Variants in PTPRN2 observed in about 807,000 individuals in gnomAD.
PTPRN2 encodes receptor-type tyrosine-protein phosphatase N2.
A neutral mutation model predicts 118.8 loss-of-function variants in PTPRN2; 74 were observed. The ratio of observed to expected loss-of-function variants is 0.62; its 90% CI spans 0.52 to 0.76. The LOEUF (loss-of-function observed/expected upper bound fraction) is 0.76, where lower values mean the gene tolerates loss of function less well. Among genes scored for constraint, PTPRN2 ranks in the 30% least tolerant of loss-of-function variants. The pLI is 0.00. For synonymous variants in PTPRN2, 641 were observed against 608.0 expected (o/e 1.05, Z -0.80); for missense variants, 1,481 against 1,394.4 (o/e 1.06, Z -0.99).
chr7:158,139,026 TA>T (rs35025393), intron 6 of PTPRN2, among the ~76,000 whole-genome samples: 805 of 151,926 alleles, frequency 5.3e-3, no homozygotes, highest in Non-Finnish European at 8.0e-3. Context: ...TAATTACATC[TA>T]AACACAGCCA....
intron 2 of PTPRN2, among the ~76,000 whole-genome samples, chr7:158,380,161 C>T (rs1810858911): frequency 6.6e-6 from 1 of 152,172 alleles, no homozygotes; most frequent in Admixed American, 6.5e-5. Context: ...AATCTCACGT[C>T]CTCACATTTT....
At position 157,938,896 on chromosome 7, in the gene PTPRN2, T is replaced by C. The variant is rs984510578; in HGVS notation, c.1724-40159A>G. Among the ~76,000 whole-genome samples, 5 of 152,326 alleles carry C rather than the reference T, an allele frequency of 3.3e-5. No individual in the cohort carries two copies. In the South Asian group the frequency reaches 8.3e-4, roughly 25 times the overall value. On this transcript the variant is annotated intron_variant, in intron 11 of 22. Coordinates refer to ENST00000389418, the MANE Select transcript of PTPRN2 (RefSeq NM_002847.5). ...CAACCTGCCGGTGTCAAGATGCTCA[T>C]ATCAGTGCTGAAGTAAGGAGTGGGG...
intron 2 of PTPRN2, among the ~76,000 whole-genome samples, chr7:158,389,552 C>T (rs1811760966): frequency 6.6e-6 from 1 of 152,224 alleles, no homozygotes; most frequent in Admixed American, 6.5e-5. Flanking sequence ...GAAACAAACA[C>T]TCCTCCTTAT....
At chr7:157,952,366 G>A (rs2164218) in intron 11 of PTPRN2, among the ~76,000 whole-genome samples, 16,078 of 149,436 alleles carry the variant, frequency 0.11, 882 homozygotes, top group Non-Finnish European at 0.13. Flanking sequence ...GACAGGCGAG[G>A]GTGGGACAGG....
intron 5 of PTPRN2, among the ~76,000 whole-genome samples, chr7:158,171,348 T>TACACAC (rs1252929315): frequency 1.1e-5 from 1 of 90,006 alleles, no homozygotes; most frequent in South Asian, 3.5e-4. Flanking sequence ...TATATATATA[T>TACACAC]ACACACACAC....
At chr7:158,534,668 C>T (rs1486450610) in intron 1 of PTPRN2, among the ~76,000 whole-genome samples, 1 of 152,196 alleles carries the variant, frequency 6.6e-6, no homozygotes, top group Non-Finnish European at 1.5e-5. Flanking sequence ...CTGCGAAGCT[C>T]CCCCCATCAC....
intron 3 of PTPRN2, among the ~76,000 whole-genome samples, chr7:158,280,051 G>A (rs376409646): frequency 3.7e-4 from 49 of 134,020 alleles, no homozygotes; most frequent in African/African-American, 1.2e-3. Context: ...ACGCCCCACC[G>A]CTGCCCCCAA....
In PTPRN2 at chr7:158,197,305, T is replaced by C. The variant is rs74379630; in HGVS notation, c.381-4810A>G. 1.0e-2 allele frequency among the ~76,000 whole-genome samples: 1,521 copies of C among 152,308 alleles called. 85 individuals are homozygous for C. In the East Asian group the frequency reaches 0.17, roughly 17 times the overall value. ...AACATGACCATCTGGTACTTGTATA[T>C]GGGTCTTTAGTGTGATTTAGAAACA... is the stretch of plus-strand genomic sequence containing the variant. On this transcript the variant is annotated intron_variant, in intron 4 of 22. Transcript: ENST00000389418.
At chr7:157,747,832 C>G (rs1382414324) in intron 12 of PTPRN2, among the ~76,000 whole-genome samples, 1 of 129,078 alleles carries the variant, frequency 7.7e-6, no homozygotes. Context: ...CGTCCCTGAG[C>G]TTTGGGCTGT....
At chr7:158,457,835 G>C (rs929625615) in intron 2 of PTPRN2, among the ~76,000 whole-genome samples, 5 of 150,556 alleles carry the variant, frequency 3.3e-5, no homozygotes, top group Admixed American at 3.3e-4. Context: ...TCCAGGGCGA[G>C]CCTGGCCTGG....
rs150772011 is a variant in PTPRN2 at position 158,395,946 on chromosome 7, C to T, written c.164-79014G>A. 4.5e-3 allele frequency among the ~76,000 whole-genome samples: 692 copies of T among 152,154 alleles called. 5 individuals carry two copies. Among genetic ancestry groups the T allele is most frequent in the African/African-American group, 0.016 (666 of 41,472 alleles). ...AGGTCGGGCTACAGACTTCCCTCTG[C>T]CCCCTGGTCACAGAGGTGAGAGTGG... On this transcript the variant is annotated intron_variant, in intron 2 of 22. Transcript: ENST00000389418.
At chr7:157,950,837 G>GGAACCAGGAAA (rs1800766418) in intron 11 of PTPRN2, among the ~76,000 whole-genome samples, 1 of 152,222 alleles carries the variant, frequency 6.6e-6, no homozygotes, top group Non-Finnish European at 1.5e-5. Context: ...AGGAAAGTGA[G>GGAACCAGGAAA]GTGCAGACGC....
At chr7:157,712,823 G>C (rs1237886849) in intron 12 of PTPRN2, among the ~76,000 whole-genome samples, 7 of 151,572 alleles carry the variant, frequency 4.6e-5, no homozygotes, top group Non-Finnish European at 2.9e-5. Flanking sequence ...GTCACACACA[G>C]AGGCAGGGAC....
At chr7:158,035,229 A>G (rs1182987338) in intron 11 of PTPRN2, among the ~76,000 whole-genome samples, 2 of 152,260 alleles carry the variant, frequency 1.3e-5, no homozygotes, top group East Asian at 1.9e-4. Context: ...AAGTGTCTCA[A>G]GTATAAAACT....
rs1795585090 is a variant in PTPRN2 at position 157,874,394 on chromosome 7, C to A, written c.1788+24279G>T. Among the ~76,000 whole-genome samples the A allele has an allele frequency of 6.6e-6, 1 of 152,168 alleles. No individual in the cohort carries two copies. The highest frequency in any genetic ancestry group is 1.5e-5 in the Non-Finnish European group (1 of 68,028). On this transcript the variant is annotated intron_variant, in intron 12 of 22. Transcript: ENST00000389418. The surrounding 1 kb of genome is among the most constrained non-coding windows in gnomAD (Gnocchi z 5.8). ...ACCTGACCCAGCTCCTGCTTTCTGCCCCCTCCTGTCCCCTCTCTCCTGCCC... is the reference window on the plus strand; with the variant it reads ...ACCTGACCCAGCTCCTGCTTTCTGCACCCTCCTGTCCCCTCTCTCCTGCCC...
At chr7:157,695,663 A>G (rs1227997870) in intron 12 of PTPRN2, among the ~76,000 whole-genome samples, 2 of 152,260 alleles carry the variant, frequency 1.3e-5, no homozygotes, top group Non-Finnish European at 2.9e-5. Flanking sequence ...ACTTCCACAG[A>G]CAAATATGGA....
intron 11 of PTPRN2, among the ~76,000 whole-genome samples, chr7:158,054,084 T>C (rs1476939680): frequency 6.0e-5 from 9 of 150,024 alleles, no homozygotes; most frequent in East Asian, 2.0e-4. Flanking sequence ...ACCCCAGTGA[T>C]GCAGAGACTC....
At chr7:158,219,981 T>G (rs187149172) in intron 3 of PTPRN2, among the ~76,000 whole-genome samples, 1 of 152,064 alleles carries the variant, frequency 6.6e-6, no homozygotes, top group East Asian at 1.9e-4. Context: ...CTACTAAAAT[T>G]ACTTCAAAAA....
At chr7:157,673,998 A>G (rs1291769160) in intron 13 of PTPRN2, among the ~76,000 whole-genome samples, 1 of 152,188 alleles carries the variant, frequency 6.6e-6, no homozygotes, top group African/African-American at 2.4e-5. Flanking sequence ...GCTTTCTGAG[A>G]AAACGCCTTC....
Sources: gnomAD v4.1 joint callset for allele counts (sites outside exome capture counted in the v4.1 genomes callset) on GRCh38, gnomAD v4.1.1 for gene constraint, Gnocchi (gnomAD v3.1) non-coding constraint, MANE v1.5 for transcripts, NCBI Gene and HGNC (gene_info 2026-07-23, HGNC 2026-07-21) for gene names.